The following IL24 variants were observed in gnomAD, a reference collection of about 807,000 sequenced individuals.
The protein encoded by IL24 is interleukin-24.
In IL24, 24 loss-of-function variants were observed where a neutral mutation model predicts 27.6. The ratio of observed to expected loss-of-function variants is 0.87; its 90% CI spans 0.63 to 1.22. The LOEUF (loss-of-function observed/expected upper bound fraction) is 1.22, where lower values mean the gene tolerates loss of function less well. Ranked by LOEUF, IL24 falls within the 50% of genes most tolerant of loss-of-function variation. The probability of loss-of-function intolerance (pLI) is 0.00; values close to 1 mark genes in which losing one functional copy is unlikely to be tolerated. For synonymous variants in IL24, 99 were observed against 93.1 expected (o/e 1.06, Z -0.36); for missense variants, 240 against 237.0 (o/e 1.01, Z -0.08).
Position 206,901,665 on chromosome 1 carries a change from C to A in IL24, c.462+13C>A, listed in dbSNP as rs190442232. ...ACTGCAACCCAGTGTGAGTAGCACA[C>A]GCTCTGGATACTGGCAGCTCTGGGT... is the stretch of plus-strand genomic sequence containing the variant. On this transcript the variant is annotated intron_variant, in intron 5 of 6. Transcript: ENST00000294984. 2 of 1,608,182 alleles carry A rather than the reference C, an allele frequency of 1.2e-6. No homozygotes were observed. Among genetic ancestry groups the A allele is most frequent in the South Asian group, 2.2e-5 (2 of 90,544 alleles).
rs1678214464 is a variant in IL24, at chr1:206,897,787, T to C, written c.-46T>C. The C allele has an allele frequency of 6.2e-7, 1 of 1,610,276 alleles. No individual in the cohort carries two copies. The highest frequency in any genetic ancestry group is 8.5e-7 in the Non-Finnish European group (1 of 1,177,836). On this transcript the variant is annotated 5_prime_UTR_variant, in exon 2 of 7. Coordinates refer to ENST00000294984, the MANE Select transcript of IL24 (RefSeq NM_006850.3). The stretch of plus-strand genomic sequence containing the variant: ...TTCGCCAATTTAACACCAAGAAGAA[T>C]TGAGGCTGCTTGGGAGGAAGGCCAG...
chr1:206,901,666 G>T lies in IL24; in HGVS notation c.462+14G>T. On this transcript the variant is annotated intron_variant, in intron 5 of 6. Transcript: ENST00000294984. ...CTGCAACCCAGTGTGAGTAGCACACGCTCTGGATACTGGCAGCTCTGGGTT... is the reference window on the plus strand; with the variant it reads ...CTGCAACCCAGTGTGAGTAGCACACTCTCTGGATACTGGCAGCTCTGGGTT... 2 of 1,606,146 alleles carry T rather than the reference G, an allele frequency of 1.2e-6. No homozygotes were observed. The highest frequency in any genetic ancestry group is 1.7e-4 in the Middle Eastern group (1 of 5,860).
intron 6 of IL24, 98 bp downstream of exon 6, chr1:206,902,170 A>T: frequency 6.5e-7 from 1 of 1,537,736 alleles, no homozygotes; most frequent in Non-Finnish European, 8.7e-7. Flanking sequence ...AATGTAATGC[A>T]GGGGACACCA....
rs1308222552 is a variant in IL24, at chr1:206,900,252, C to G, written c.241-43C>G. Reference sequence around the variant, plus strand: ...CATATTTGCAGAGTTGGTTTCTATGCTGACCCCTAACCTGGAGACGTCTTT... The same window carrying G: ...CATATTTGCAGAGTTGGTTTCTATGGTGACCCCTAACCTGGAGACGTCTTT... On this transcript the variant is annotated intron_variant, in intron 3 of 6. Transcript: ENST00000294984. The G allele has an allele frequency of 3.8e-6, 6 of 1,584,992 alleles. No homozygotes were observed. In the Admixed American group the frequency reaches 1.0e-4, roughly 26 times the overall value.
At chr1:206,898,804 C>T (rs562628057) in intron 2 of IL24, among the ~76,000 whole-genome samples, 4 of 152,280 alleles carry the variant, frequency 2.6e-5, no homozygotes, top group Admixed American at 6.5e-5. Context: ...GGATTAACCC[C>T]TTGCTCCCTT....
intron 1 of IL24, 53 bp downstream of exon 1, chr1:206,897,668 T>A (rs1459272475): frequency 1.7e-6 from 1 of 589,020 alleles, no homozygotes; most frequent in Non-Finnish European, 3.0e-6. Context: ...GACCTCTGCT[T>A]TATTTGTGAA....
rs369725389 is a variant in IL24 at position 206,897,822 on chromosome 1, G to A, written c.-11G>A. On this transcript the variant is annotated 5_prime_UTR_variant, in exon 2 of 7. Coordinates refer to ENST00000294984, the MANE Select transcript of IL24 (RefSeq NM_006850.3). ...TTGGGAGGAAGGCCAGGAGGAACAC[G>A]AGACTGAGAGATGAATTTTCAACAG... 78 of 1,612,252 alleles carry A rather than the reference G, an allele frequency of 4.8e-5. 1 individual carries two copies. The East Asian group carries it at 1.4e-3, about 28-fold the overall frequency.
At chr1:206,901,145 G>C (rs1442835079) in intron 4 of IL24, among the ~76,000 whole-genome samples, 1 of 152,112 alleles carries the variant, frequency 6.6e-6, no homozygotes, top group Non-Finnish European at 1.5e-5. Context: ...CCCTTTTCAG[G>C]GTCCATCACA....
At chr1:206,900,227 CAT>C (rs1678321698) in intron 3 of IL24, 66 bp from the exon 4 acceptor site, 2 of 1,373,112 alleles carry the variant, frequency 1.5e-6, no homozygotes, top group Admixed American at 1.7e-5. Context: ...GGAAGCAGCA[CAT>C]ATTTGCAGAG....
intron 6 of IL24, 43 bp from the exon 7 acceptor site, chr1:206,902,933 T>C: frequency 6.2e-7 from 1 of 1,614,044 alleles, no homozygotes; most frequent in Non-Finnish European, 8.5e-7. Flanking sequence ...AAGACTATTC[T>C]CATAGCTAAC....
intron 6 of IL24, chr1:206,902,775 G>A (rs1678445526): frequency 2.0e-6 from 2 of 985,368 alleles, no homozygotes; most frequent in Non-Finnish European, 2.4e-6. Flanking sequence ...ATATTCACTA[G>A]CCTGTTTGTC....
chr1:206,898,022 G>T (rs549015017), intron 2 of IL24, 146 bp downstream of exon 2: 1 of 518,290 alleles, frequency 1.9e-6, no homozygotes, highest in Non-Finnish European at 3.4e-6. Context: ...TTGGGCATGT[G>T]TTTTTGATAT....
chr1:206,902,952 C>A (rs769251968), intron 6 of IL24, 24 bp from the exon 7 acceptor site: 1 of 1,614,118 alleles, frequency 6.2e-7, no homozygotes, highest in South Asian at 1.1e-5. Flanking sequence ...ACATGGCTGA[C>A]CTTCAACCCT....
chr1:206,903,281 T>A lies in IL24; in HGVS notation c.*222T>A. 2.0e-6 allele frequency: 1 copy of A among 496,750 alleles called. No homozygotes were observed. The highest frequency in any genetic ancestry group is 2.9e-5 in the South Asian group (1 of 34,102). 30.8% of individuals were successfully genotyped at this position (496,750 alleles called of 1,614,324 possible). On this transcript the variant is annotated 3_prime_UTR_variant, in exon 7 of 7. Transcript: ENST00000294984. ...GTGAAGAGTCTACAGAGAAGATTCT[T>A]GTATTTATTACAACTCTATTTAATT...
rs1189539733 is a variant in IL24 at position 206,901,582 on chromosome 1, T to C, written c.392T>C (p.Val131Ala). The change falls in exon 5 of 7, where the codon GTC (valine) becomes GCC (alanine). Residue 131 changes from valine (V) to alanine (A), a missense_variant. Val to Ala is a moderately conservative substitution (Grantham distance 64, BLOSUM62 0). Transcript: ENST00000294984. ...FKNYHNRTVE[V>A]RTLKSFSTLA... ...AACTACCACAATAGAACAGTTGAAG[T>C]CAGGACTCTGAAGTCATTCTCTACT... The C allele has an allele frequency of 1.2e-6, 2 of 1,614,066 alleles. No individual in the cohort carries two copies. Among genetic ancestry groups the C allele is most frequent in the African/African-American group, 2.7e-5 (2 of 74,920 alleles).
rs1678233190 is a variant in IL24 at position 206,898,183 on chromosome 1, A to AG, written c.44+307_44+308insG. Reference sequence around the variant, plus strand: ...TTCTGTCAAAAAAAAAAAAAAAAAAAAAAGCCTGTGGAGTTTGAAAGAACA... The same window carrying AG: ...TTCTGTCAAAAAAAAAAAAAAAAAAAGAAAGCCTGTGGAGTTTGAAAGAACA... On this transcript the variant is annotated intron_variant, in intron 2 of 6. Transcript: ENST00000294984. Among the ~76,000 whole-genome samples the AG allele has an allele frequency of 7.9e-5, 10 of 126,256 alleles. No homozygotes were observed. The South Asian group carries it at 2.4e-3, about 30-fold the overall frequency. 82.8% of individuals were successfully genotyped at this position (126,256 alleles called of 152,430 possible).
intron 2 of IL24, 150 bp from the exon 3 acceptor site, chr1:206,899,170 T>C (rs1150254): frequency 0.42 from 324,622 of 767,894 alleles, 71,490 homozygotes; most frequent in Middle Eastern, 0.48. Context: ...CCACTGCACC[T>C]TAGCAAGGCT....
chr1:206,900,080 G>A (rs953084025), intron 3 of IL24, among the ~76,000 whole-genome samples: 7 of 152,088 alleles, frequency 4.6e-5, no homozygotes, highest in African/African-American at 1.4e-4. Context: ...GCTCCTGGGG[G>A]GCCAAGCTTA....
Position 206,899,402 on chromosome 1 carries a change from T to C in IL24, c.127T>C (p.Trp43Arg), listed in dbSNP as rs1678288104. ...TTGCCTGGGTTTTACCCTGCTTCTC[T>C]GGAGCCAGGTATCAGGGGCCCAGGG... ...LPCLGFTLLL[W>R]SQVSGAQGQE... is the part of the protein sequence containing the mutation. The change falls in exon 3 of 7, where the codon TGG becomes CGG. Residue 43 changes from tryptophan to arginine, a missense_variant. Coordinates refer to ENST00000294984, the MANE Select transcript of IL24 (RefSeq NM_006850.3). 1 of 1,614,214 alleles carries C rather than the reference T, an allele frequency of 6.2e-7. No homozygotes were observed. Among genetic ancestry groups the C allele is most frequent in the Non-Finnish European group, 8.5e-7 (1 of 1,180,016 alleles).
Sources: gnomAD v4.1 joint callset for allele counts (sites outside exome capture counted in the v4.1 genomes callset) on GRCh38, gnomAD v4.1.1 for gene constraint, MANE v1.5 for transcripts, NCBI Gene and HGNC (gene_info 2026-07-23, HGNC 2026-07-21) for gene names.